NMNAT2: variants seen among roughly 807,000 people sequenced by gnomAD.
The protein encoded by NMNAT2 is nicotinamide nucleotide adenylyltransferase 2, also known as nicotinamide/nicotinic acid mononucleotide adenylyltransferase 2.
NMNAT2 carries 11 observed loss-of-function variants against 41.6 expected under a neutral mutation model. The observed-to-expected ratio is 0.26, with a 90% confidence interval of 0.17 to 0.44. The LOEUF is 0.44. NMNAT2 is among the 20% of genes least tolerant of loss of function. The pLI is 1.00. For missense variants in NMNAT2, 288 were observed against 407.7 expected (o/e 0.71, Z 2.53); for synonymous variants, 148 against 151.2 (o/e 0.98, Z 0.16).
At chr1:183,322,409 C>T (rs1662374180) in intron 1 of NMNAT2, among the ~76,000 whole-genome samples, 1 of 152,162 alleles carries the variant, frequency 6.6e-6, no homozygotes, top group African/African-American at 2.4e-5. Context: ...GCACCTGCAG[C>T]CTTGAGGCTC....
rs1258982673 is a variant in NMNAT2, at chr1:183,375,353, ATCT to A, written c.85+42827_85+42829del. On this transcript the variant is annotated intron_variant, in intron 1 of 10. Coordinates refer to ENST00000287713, the MANE Select transcript of NMNAT2 (RefSeq NM_015039.4). ...GGCTCTGGCCAGCCTCTTCAGCCAC[ATCT>A]TCTACTCCACTGTCCCCCAACTCCA... Among the ~76,000 whole-genome samples, 10 of 152,276 alleles carry A rather than the reference ATCT, an allele frequency of 6.6e-5. No individual in the cohort carries two copies. In the East Asian group the frequency reaches 9.6e-4, roughly 15 times the overall value.
intron 1 of NMNAT2, among the ~76,000 whole-genome samples, chr1:183,358,114 T>C (rs1290600443): frequency 6.6e-6 from 1 of 152,202 alleles, no homozygotes; most frequent in Non-Finnish European, 1.5e-5. Flanking sequence ...TCATGTCCTT[T>C]GCAGGGACAT....
chr1:183,262,606 A>G (rs1372548211), intron 8 of NMNAT2, among the ~76,000 whole-genome samples: 3 of 152,224 alleles, frequency 2.0e-5, no homozygotes, highest in Non-Finnish European at 4.4e-5. Flanking sequence ...GAAGATCTTT[A>G]TACAAAAATC....
chr1:183,408,735 G>A lies in NMNAT2; in HGVS notation c.85+9448C>T, dbSNP rs1649031053. 2.0e-5 allele frequency among the ~76,000 whole-genome samples: 3 copies of A among 151,826 alleles called. No homozygotes were observed. The South Asian group carries it at 6.2e-4, about 32-fold the overall frequency. ...ATATCTATAAATTTTGATTCCCTGG[G>A]GTATAACAAGTAAATAATTTTTAAA... On this transcript the variant is annotated intron_variant, in intron 1 of 10. Coordinates refer to ENST00000287713, the MANE Select transcript of NMNAT2 (RefSeq NM_015039.4).
At chr1:183,389,800 GA>G (rs1265745595) in intron 1 of NMNAT2, among the ~76,000 whole-genome samples, 6 of 62,994 alleles carry the variant, frequency 9.5e-5, no homozygotes, top group Non-Finnish European at 1.3e-4. Context: ...AAGAAAGAAA[GA>G]AAGAAAGAAA....
In NMNAT2 at chr1:183,315,777, G is replaced by A. The variant is rs539527746; in HGVS notation, c.86-21984C>T. On this transcript the variant is annotated intron_variant, in intron 1 of 10. Transcript: ENST00000287713. The stretch of plus-strand genomic sequence containing the variant: ...GCCTGGGCAACAAAGCAGACTCCGT[G>A]TAAAAAAAAAAAAAAAAAGCAAAGA... Among the ~76,000 whole-genome samples the A allele has an allele frequency of 2.3e-3, 168 of 72,348 alleles. 2 individuals carry two copies. Among genetic ancestry groups the A allele is most frequent in the African/African-American group, 8.8e-3 (156 of 17,712 alleles). The allele number at this position is 72,348 out of a possible 152,430, so 47.5% of individuals were successfully genotyped here.
chr1:183,349,802 T>C (rs1020685302), intron 1 of NMNAT2, among the ~76,000 whole-genome samples: 3 of 152,218 alleles, frequency 2.0e-5, no homozygotes, highest in African/African-American at 7.2e-5. Flanking sequence ...AATATTGATT[T>C]TCTCCTGGAA....
intron 1 of NMNAT2, among the ~76,000 whole-genome samples, chr1:183,412,254 C>T (rs1239714355): frequency 1.3e-5 from 2 of 152,244 alleles, no homozygotes; most frequent in African/African-American, 4.8e-5. Flanking sequence ...GACGGAGTCT[C>T]GCTCTGTCTC....
At chr1:183,397,180 A>G (rs1571637944) in intron 1 of NMNAT2, among the ~76,000 whole-genome samples, 1 of 152,034 alleles carries the variant, frequency 6.6e-6, no homozygotes, top group African/African-American at 2.4e-5. Flanking sequence ...CTGTTTTCCA[A>G]CCCGTCCTTG....
chr1:183,262,131 A>C (rs1660674444), intron 8 of NMNAT2, among the ~76,000 whole-genome samples: 1 of 151,862 alleles, frequency 6.6e-6, no homozygotes, highest in East Asian at 1.9e-4. Flanking sequence ...GACTCTTGCT[A>C]TGTTGCCCAG....
Position 183,308,698 on chromosome 1 carries a change from A to AAT in NMNAT2, c.86-14907_86-14906dup, listed in dbSNP as rs1662047683. Among the ~76,000 whole-genome samples the AAT allele has an allele frequency of 3.3e-5, 5 of 152,252 alleles. No individual in the cohort carries two copies. In the South Asian group the frequency reaches 1.0e-3, roughly 31 times the overall value. ...GGGAAAAAAAATCAAATCACAGAAC[A>AAT]ATACCAAATAAAACTGTGAGTCTAA... On this transcript the variant is annotated intron_variant, in intron 1 of 10. Transcript: ENST00000287713.
chr1:183,290,003 G>T, intron 4 of NMNAT2, 125 bp downstream of exon 4: 2 of 673,004 alleles, frequency 3.0e-6, no homozygotes, highest in South Asian at 3.9e-5. Flanking sequence ...AGAGAAATAA[G>T]AGGCTGAAAG....
At chr1:183,356,076 C>T (rs141891578) in intron 1 of NMNAT2, among the ~76,000 whole-genome samples, 63 of 152,346 alleles carry the variant, frequency 4.1e-4, no homozygotes, top group Admixed American at 4.1e-3. Flanking sequence ...CCAGCTAGCA[C>T]ACCTTGAGCA....
At chr1:183,404,893 G>C (rs1193117820) in intron 1 of NMNAT2, among the ~76,000 whole-genome samples, 1 of 152,150 alleles carries the variant, frequency 6.6e-6, no homozygotes, top group Non-Finnish European at 1.5e-5. Context: ...GTAAAGGCAG[G>C]TCAGATAGAC....
rs577583818 is a variant in NMNAT2 at position 183,306,360 on chromosome 1, C to A, written c.86-12567G>T. On this transcript the variant is annotated intron_variant, in intron 1 of 10. Transcript: ENST00000287713. ...TTTTTCCAGAAAGAATGTTTTCTTC[C>A]AGAAAACATTCTTTGATTTTCAAAC... Among the ~76,000 whole-genome samples the A allele has an allele frequency of 7.2e-5, 11 of 152,172 alleles. 1 individual carries two copies. The highest frequency in any genetic ancestry group is 4.6e-4 in the Admixed American group (7 of 15,278).
chr1:183,256,888 A>T (rs773843584), intron 10 of NMNAT2, among the ~76,000 whole-genome samples: 34 of 151,980 alleles, frequency 2.2e-4, no homozygotes, highest in Non-Finnish European at 3.7e-4. Flanking sequence ...AGTAGCTGGG[A>T]TTACAGTCAC....
At chr1:183,290,260 T>G in intron 3 of NMNAT2, 54 bp from the exon 4 acceptor site, 1 of 1,389,978 alleles carries the variant, frequency 7.2e-7, no homozygotes, top group Non-Finnish European at 9.9e-7. Flanking sequence ...ATTCTTTCCT[T>G]ATTGTTACCT....
At chr1:183,286,954 G>A (rs1034507823) in intron 4 of NMNAT2, among the ~76,000 whole-genome samples, 166 bp from the exon 5 acceptor site, 10 of 152,094 alleles carry the variant, frequency 6.6e-5, no homozygotes, top group Non-Finnish European at 1.3e-4. Flanking sequence ...TCACTAGGCT[G>A]GCAGGAGCAG....
chr1:183,334,978 T>A (rs1373387276), intron 1 of NMNAT2, among the ~76,000 whole-genome samples: 5 of 152,222 alleles, frequency 3.3e-5, no homozygotes, highest in African/African-American at 4.8e-5. Flanking sequence ...GTTAAGGAAC[T>A]GGAGCACAAC....
Sources: gnomAD v4.1 joint callset for allele counts (sites outside exome capture counted in the v4.1 genomes callset) on GRCh38, gnomAD v4.1.1 for gene constraint, MANE v1.5 for transcripts, NCBI Gene and HGNC (gene_info 2026-07-23, HGNC 2026-07-21) for gene names.